EFCAB14: variants seen among roughly 807,000 people sequenced by gnomAD.
EFCAB14 encodes the protein EF-hand calcium-binding domain-containing protein 14.
EFCAB14 carries 43 observed loss-of-function variants against 56.5 expected under a neutral mutation model. That is an observed-to-expected ratio of 0.76 (90% CI 0.60 to 0.98). The LOEUF is 0.98. Ranked by LOEUF, EFCAB14 falls within the 50% of genes least tolerant of loss-of-function variation. The pLI is 0.00. For missense variants in EFCAB14, 538 were observed against 580.3 expected (o/e 0.93, Z 0.75); for synonymous variants, 235 against 212.9 (o/e 1.10, Z -0.90).
chr1:46,705,445 T>C (rs527922618), intron 3 of EFCAB14, among the ~76,000 whole-genome samples: 1 of 152,332 alleles, frequency 6.6e-6, no homozygotes, highest in East Asian at 1.9e-4. Flanking sequence ...ATAACGTTGA[T>C]GGGAAAAAAA....
chr1:46,703,023 A>G (rs1465249812), intron 3 of EFCAB14, among the ~76,000 whole-genome samples: 1 of 152,214 alleles, frequency 6.6e-6, no homozygotes, highest in African/African-American at 2.4e-5. Context: ...ATGTTCTAGA[A>G]AACTTGCAAC....
At chr1:46,698,846 T>C (rs1569713310) in intron 3 of EFCAB14, among the ~76,000 whole-genome samples, 1 of 152,008 alleles carries the variant, frequency 6.6e-6, no homozygotes. Flanking sequence ...TAGGCAGGGG[T>C]GTGTAAGCAG....
intron 1 of EFCAB14, among the ~76,000 whole-genome samples, 187 bp downstream of exon 1, chr1:46,717,716 A>G (rs1165411512): frequency 6.6e-6 from 1 of 152,130 alleles, no homozygotes; most frequent in Non-Finnish European, 1.5e-5. Flanking sequence ...CTAAAGACAG[A>G]TCTCTAACTT....
intron 3 of EFCAB14, among the ~76,000 whole-genome samples, chr1:46,706,989 T>C (rs1677241780): frequency 1.3e-5 from 2 of 152,184 alleles, no homozygotes; most frequent in Non-Finnish European, 2.9e-5. Context: ...CTATTTATCA[T>C]TGGTCTTAAG....
rs551785437 is a variant in EFCAB14 at position 46,707,993 on chromosome 1, G to A, written c.393C>T (p.Leu131=). ...TCTTCTCAAGTTGTTTTTGCTTGCT[G>A]AGTAGTTCTTCATTAAGTTTGGGGA... ...QEIPKLNEEL[L]SKQKQLEKIE... The change falls in exon 3 of 11, where the codon CTC becomes CTT. Residue 131 remains leucine, a synonymous_variant. Transcript: ENST00000371933. 1.2e-6 allele frequency: 2 copies of A among 1,612,822 alleles called. No homozygotes were observed. The highest frequency in any genetic ancestry group is 2.2e-5 in the East Asian group (1 of 44,754).
chr1:46,691,060 C>T (rs924674846), intron 5 of EFCAB14, among the ~76,000 whole-genome samples: 39 of 152,146 alleles, frequency 2.6e-4, no homozygotes, highest in Non-Finnish European at 5.4e-4. Context: ...AAATCCTTCA[C>T]GGGGCTGTCA....
At chr1:46,683,188 G>T in intron 10 of EFCAB14, 112 bp downstream of exon 10, 2 of 1,245,576 alleles carry the variant, frequency 1.6e-6, no homozygotes, top group Non-Finnish European at 2.2e-6. Context: ...TCTGGCACTT[G>T]ATATCTCCTC....
rs1676685798 is a variant in EFCAB14 at position 46,675,830 on chromosome 1, T to C, written c.*2631A>G. 6.6e-6 allele frequency: 1 copy of C among 152,214 alleles called. No homozygotes were observed. The highest frequency in any genetic ancestry group is 2.4e-5 in the African/African-American group (1 of 41,452). 9.4% of individuals were successfully genotyped at this position (152,214 alleles called of 1,614,324 possible). On this transcript the variant is annotated 3_prime_UTR_variant, in exon 11 of 11. Transcript: ENST00000371933. ...TCTCTGATTTATGGGGAGGCTCTTT[T>C]AGTAAACATTATACAAGATAGTACA...
At chr1:46,696,768 A>G in intron 3 of EFCAB14, 119 bp from the exon 4 acceptor site, 2 of 881,020 alleles carry the variant, frequency 2.3e-6, no homozygotes, top group Non-Finnish European at 3.5e-6. Context: ...GTGTTTCTGC[A>G]ACCCTGTCAG....
rs1677427030 is a variant in EFCAB14, at chr1:46,718,141, C to G, written c.-54G>C. The G allele has an allele frequency of 1.9e-6, 3 of 1,573,928 alleles. No homozygotes were observed. Among genetic ancestry groups the G allele is most frequent in the Admixed American group, 1.8e-5 (1 of 57,032 alleles). The stretch of plus-strand genomic sequence containing the variant: ...ACTCCTGAGCTGCCAGGTTCGTACC[C>G]GATGCCCAATTCTCTTCCTGCCTTG... On this transcript the variant is annotated 5_prime_UTR_variant, in exon 1 of 11. Coordinates refer to ENST00000371933, the MANE Select transcript of EFCAB14 (RefSeq NM_014774.3).
chr1:46,716,376 C>A lies in EFCAB14; in HGVS notation c.253G>T (p.Val85Phe), dbSNP rs1414680156. ...CACACCAAGCCAACACAGGCCACAACACAGGCAGCAAGGATGACAAAACCA... is the reference window on the plus strand; with the variant it reads ...CACACCAAGCCAACACAGGCCACAAAACAGGCAGCAAGGATGACAAAACCA... Reference protein sequence around the residue: ...LCGFVILAACVVACVGLVWMQ... With the variant: ...LCGFVILAACFVACVGLVWMQ... The change falls in exon 2 of 11, where the codon GTT becomes TTT. Residue 85 changes from valine (V) to phenylalanine (F), a missense_variant. Physicochemically the swap from Val to Phe is conservative, Grantham distance 50. Coordinates refer to ENST00000371933, the MANE Select transcript of EFCAB14 (RefSeq NM_014774.3). 3.1e-6 allele frequency: 5 copies of A among 1,613,398 alleles called. No homozygotes were observed. The South Asian group carries it at 5.5e-5, about 18-fold the overall frequency.
In EFCAB14 at chr1:46,677,495, T is replaced by G. The variant is rs2148834964; in HGVS notation, c.*966A>C. On this transcript the variant is annotated 3_prime_UTR_variant, in exon 11 of 11. Transcript: ENST00000371933. ...CTTCTAAAGCTCTGGGTGGTCAGTG[T>G]GAGATAATGGCTGGGGGAATTTAGC... 6.6e-6 allele frequency: 1 copy of G among 152,194 alleles called. No homozygotes were observed. The highest frequency in any genetic ancestry group is 2.4e-5 in the African/African-American group (1 of 41,518). 9.4% of individuals were successfully genotyped at this position (152,194 alleles called of 1,614,324 possible).
At chr1:46,702,625 T>TA (rs901850749) in intron 3 of EFCAB14, among the ~76,000 whole-genome samples, 3 of 152,224 alleles carry the variant, frequency 2.0e-5, no homozygotes, top group Non-Finnish European at 4.4e-5. Flanking sequence ...GTGCACCTAA[T>TA]AATGGCTGGC....
At chr1:46,706,014 G>A (rs1277114442) in intron 3 of EFCAB14, among the ~76,000 whole-genome samples, 4 of 151,698 alleles carry the variant, frequency 2.6e-5, no homozygotes, top group Non-Finnish European at 5.9e-5. Flanking sequence ...AAAGGTGTAC[G>A]CCACCATGCC....
chr1:46,683,394 T>A lies in EFCAB14; in HGVS notation c.1218A>T (p.Ser406=). 6.2e-7 allele frequency: 1 copy of A among 1,614,054 alleles called. No individual in the cohort carries two copies. The highest frequency in any genetic ancestry group is 8.5e-7 in the Non-Finnish European group (1 of 1,179,962). The part of the protein sequence containing the change: ...EQVESFTSKP[S]ALPKFSQFLG... ...GAAACTGTGAAAATTTTGGCAATGC[T>A]GATGGCTTTGATGTGAAACTCTCTA... is the stretch of plus-strand genomic sequence containing the variant. Residue 406 remains serine, a synonymous_variant, in exon 10 of 11, where the codon TCA becomes TCT. Coordinates refer to ENST00000371933, the MANE Select transcript of EFCAB14 (RefSeq NM_014774.3).
At chr1:46,687,075 T>G (rs931685473) in intron 7 of EFCAB14, 6 of 593,278 alleles carry the variant, frequency 1.0e-5, no homozygotes, top group Middle Eastern at 9.1e-4. Context: ...CTTCTAGCTG[T>G]TTCAGTCACA....
chr1:46,689,827 G>A, intron 5 of EFCAB14, 136 bp from the exon 6 acceptor site: 1 of 756,154 alleles, frequency 1.3e-6, no homozygotes, highest in Non-Finnish European at 2.2e-6. Context: ...GCCAGGGAAT[G>A]TACAGGCTAA....
chr1:46,678,856 C>T (rs1676740732), intron 10 of EFCAB14, among the ~76,000 whole-genome samples: 1 of 147,108 alleles, frequency 6.8e-6, no homozygotes, highest in Non-Finnish European at 1.5e-5. Flanking sequence ...GGTGCAGTGG[C>T]TTATGCCTAT....
At chr1:46,701,638 G>A (rs1007431354) in intron 3 of EFCAB14, among the ~76,000 whole-genome samples, 1 of 152,210 alleles carries the variant, frequency 6.6e-6, no homozygotes, top group African/African-American at 2.4e-5. Context: ...AAGTTAAGAA[G>A]CAGCTGAAAG....
Sources: gnomAD v4.1 joint callset for allele counts (sites outside exome capture counted in the v4.1 genomes callset) on GRCh38, gnomAD v4.1.1 for gene constraint, MANE v1.5 for transcripts, NCBI Gene and HGNC (gene_info 2026-07-23, HGNC 2026-07-21) for gene names.